PACS2: variants seen among roughly 807,000 people sequenced by gnomAD.
The protein encoded by PACS2 is PACS1-like protein.
In PACS2, 36 loss-of-function variants were observed where a neutral mutation model predicts 113.0. The ratio of observed to expected loss-of-function variants is 0.32; its 90% CI spans 0.24 to 0.42. The LOEUF is 0.42. PACS2 is among the 10% of genes least tolerant of loss of function. The pLI, the probability that PACS2 is intolerant of heterozygous loss-of-function variation, is 1.00. For missense variants in PACS2, 1,015 were observed against 1,239.5 expected, an observed-to-expected ratio of 0.82 and a Z score of 2.72; for synonymous variants, 589 against 536.1, an observed-to-expected ratio of 1.10 and a Z score of -1.36.
intron 4 of PACS2, among the ~76,000 whole-genome samples, chr14:105,363,415 C>T (rs782811272): frequency 3.3e-5 from 5 of 152,210 alleles, no homozygotes; most frequent in East Asian, 1.9e-4. Context: ...GCAGCTTCTC[C>T]GTCAGCACTT....
intron 2 of PACS2, 105 bp from the exon 3 acceptor site, chr14:105,352,273 G>A: frequency 1.3e-6 from 1 of 752,364 alleles, no homozygotes; most frequent in Non-Finnish European, 2.4e-6. Context: ...CAGACTGCAG[G>A]GCTGCAATCC....
intron 1 of PACS2, among the ~76,000 whole-genome samples, chr14:105,342,898 G>T (rs1368678104): frequency 1.3e-5 from 2 of 148,842 alleles, no homozygotes; most frequent in African/African-American, 5.0e-5. Flanking sequence ...TCGCACCACT[G>T]CACTCCAGCC....
chr14:105,336,805 G>C (rs1465916389), intron 1 of PACS2: 2 of 152,248 alleles, frequency 1.3e-5, no homozygotes, highest in African/African-American at 4.8e-5. Context: ...GCTGTTGCGG[G>C]GAACAGGACG....
intron 19 of PACS2, 76 bp from the exon 20 acceptor site, chr14:105,389,885 G>C: frequency 2.2e-6 from 3 of 1,371,770 alleles, no homozygotes; most frequent in Non-Finnish European, 3.1e-6. Flanking sequence ...CAGGTTCTCA[G>C]GCCAAGAGGG....
intron 16 of PACS2, 131 bp from the exon 17 acceptor site, chr14:105,384,222 G>T: frequency 1.7e-6 from 1 of 606,038 alleles, no homozygotes. Flanking sequence ...TCTTTCGGTG[G>T]CAGGAAAGTG....
chr14:105,355,642 A>G lies in PACS2; in HGVS notation c.423+465A>G, dbSNP rs2060413540. On this transcript the variant is annotated intron_variant, in intron 4 of 24. Transcript: ENST00000447393. The surrounding 1 kb of genome is among the most constrained non-coding windows in gnomAD (Gnocchi z 4.1). ...GTGAAGGGGCTAGCGACAATACCCG[A>G]GCAGGGCGGGGGCAGCACCCAGAGG... Among the ~76,000 whole-genome samples, 1 of 152,166 alleles carries G rather than the reference A, an allele frequency of 6.6e-6. No individual in the cohort carries two copies. Among genetic ancestry groups the G allele is most frequent in the Non-Finnish European group, 1.5e-5 (1 of 68,026 alleles).
Position 105,348,410 on chromosome 14 carries a change from G to C in PACS2, c.120-83G>C. The C allele has an allele frequency of 1.8e-6, 2 of 1,081,124 alleles. No homozygotes were observed. The highest frequency in any genetic ancestry group is 2.8e-6 in the Non-Finnish European group (2 of 720,980). 67.0% of individuals were successfully genotyped at this position (1,081,124 alleles called of 1,614,324 possible). A position where few individuals can be genotyped will look rare whatever the true frequency, so the allele number is the denominator to read the frequency against. On this transcript the variant is annotated intron_variant, in intron 1 of 24. Transcript: ENST00000447393. This position sits in a 1 kb window ranked among gnomAD's most constrained non-coding sequence, Gnocchi z 6.4. ...TGCACCCCAGGGTGCAGGCTCCCGG[G>C]GTGACACAGTGCTGGGACGGCACAG...
rs1259112602 is a variant in PACS2, at chr14:105,330,265, G to C, written c.119+15228G>C. ...GGAGCCTCCGAGAAGCCTGGGGTCC[G>C]TGTGTGGGACGGAATGGGGACAGGA... is the stretch of plus-strand genomic sequence containing the variant. On this transcript the variant is annotated intron_variant, in intron 1 of 24. Coordinates refer to ENST00000447393, the MANE Select transcript of PACS2 (RefSeq NM_001100913.3). This position sits in a 1 kb window ranked among gnomAD's most constrained non-coding sequence, Gnocchi z 6.9. 1.6e-5 allele frequency among the ~76,000 whole-genome samples: 2 copies of C among 128,520 alleles called. No homozygotes were observed. The highest frequency in any genetic ancestry group is 6.1e-5 in the African/African-American group (2 of 32,552). 84.3% of individuals were successfully genotyped at this position (128,520 alleles called of 152,430 possible).
intron 7 of PACS2, among the ~76,000 whole-genome samples, chr14:105,368,917 C>G (rs1018192929): frequency 3.9e-5 from 6 of 152,248 alleles, no homozygotes; most frequent in Non-Finnish European, 8.8e-5. Context: ...TCTGGCCTAC[C>G]TACCTCCACG....
chr14:105,320,562 C>T (rs779087893), intron 1 of PACS2, among the ~76,000 whole-genome samples: 7 of 152,084 alleles, frequency 4.6e-5, no homozygotes, highest in Non-Finnish European at 8.8e-5. Flanking sequence ...AGGCTGGTCT[C>T]CAACTCCTGG....
At chr14:105,345,195 C>T (rs587755309) in intron 1 of PACS2, among the ~76,000 whole-genome samples, 7 of 152,212 alleles carry the variant, frequency 4.6e-5, no homozygotes, top group South Asian at 2.1e-4. Context: ...ATCACGAGGT[C>T]GGGAGATTGA....
At position 105,396,232 on chromosome 14, in the gene PACS2, C is replaced by G. The variant is rs923444115; in HGVS notation, c.*1560C>G. The G allele has an allele frequency of 1.3e-5, 2 of 152,400 alleles. No individual in the cohort carries two copies. Among genetic ancestry groups the G allele is most frequent in the Non-Finnish European group, 2.9e-5 (2 of 68,240 alleles). 9.4% of individuals were successfully genotyped at this position (152,400 alleles called of 1,614,324 possible). ...TGCAGGAGGCAGAGCCCCAGCCCCTCCCAGCCAGAGCCCCTCCACACCAGG... is the reference window on the plus strand; with the variant it reads ...TGCAGGAGGCAGAGCCCCAGCCCCTGCCAGCCAGAGCCCCTCCACACCAGG... On this transcript the variant is annotated 3_prime_UTR_variant, in exon 25 of 25. Transcript: ENST00000447393.
intron 19 of PACS2, among the ~76,000 whole-genome samples, chr14:105,386,178 G>A (rs1555413536): frequency 6.6e-6 from 1 of 152,202 alleles, no homozygotes; most frequent in African/African-American, 2.4e-5. Flanking sequence ...CTGTTTCCCA[G>A]GCCCTTCACG....
At chr14:105,327,310 C>T (rs587615234) in intron 1 of PACS2, among the ~76,000 whole-genome samples, 2 of 152,254 alleles carry the variant, frequency 1.3e-5, no homozygotes, top group Non-Finnish European at 2.9e-5. Flanking sequence ...AGGGGATGTG[C>T]GCGGCCAGGT....
intron 19 of PACS2, among the ~76,000 whole-genome samples, chr14:105,387,036 C>G (rs1217284009): frequency 2.6e-5 from 4 of 152,224 alleles, no homozygotes; most frequent in South Asian, 4.1e-4. Context: ...CACTCCCACC[C>G]TGCACCTCCT....
chr14:105,324,840 G>A lies in PACS2; in HGVS notation c.119+9803G>A, dbSNP rs753218689. ...AGCCCCAGGTCCTCTGCATGGTCAGGGGCCATGCTGGGTCCCCTGGGGTGC... is the reference window on the plus strand; with the variant it reads ...AGCCCCAGGTCCTCTGCATGGTCAGAGGCCATGCTGGGTCCCCTGGGGTGC... On this transcript the variant is annotated intron_variant, in intron 1 of 24. Transcript: ENST00000447393. This position sits in a 1 kb window ranked among gnomAD's most constrained non-coding sequence, Gnocchi z 4.7. 5.9e-5 allele frequency among the ~76,000 whole-genome samples: 9 copies of A among 152,166 alleles called. No homozygotes were observed. The highest frequency in any genetic ancestry group is 1.0e-4 in the Non-Finnish European group (7 of 68,020).
At chr14:105,308,045 G>A (rs1322187096) in intron 1 of PACS2, among the ~76,000 whole-genome samples, 14 of 151,976 alleles carry the variant, frequency 9.2e-5, no homozygotes, top group South Asian at 2.1e-4. Flanking sequence ...TTAGCTGTGC[G>A]TGGTGGTGCG....
chr14:105,314,441 C>T (rs1164214395), upstream of PACS2: 1 of 148,650 alleles, frequency 6.7e-6, no homozygotes, highest in Non-Finnish European at 1.5e-5. Flanking sequence ...TCTCCCGGCC[C>T]TTGCCCGCGG....
Position 105,323,321 on chromosome 14 carries a change from G to A in PACS2, c.119+8284G>A, listed in dbSNP as rs909640398. ...ATCCTCCACATCCATAGATGCACTG[G>A]GTGGTGTCAGTGGGCGGCGGCTGGC... On this transcript the variant is annotated intron_variant, in intron 1 of 24. Transcript: ENST00000447393. This position sits in a 1 kb window ranked among gnomAD's most constrained non-coding sequence, Gnocchi z 4.1. Among the ~76,000 whole-genome samples the A allele has an allele frequency of 6.6e-6, 1 of 152,198 alleles. No homozygotes were observed. Among genetic ancestry groups the A allele is most frequent in the African/African-American group, 2.4e-5 (1 of 41,456 alleles).
Sources: gnomAD v4.1 joint callset for allele counts (sites outside exome capture counted in the v4.1 genomes callset) on GRCh38, gnomAD v4.1.1 for gene constraint, Gnocchi (gnomAD v3.1) non-coding constraint, MANE v1.5 for transcripts, NCBI Gene and HGNC (gene_info 2026-07-23, HGNC 2026-07-21) for gene names.